Variants in TVP23C observed in about 807,000 individuals in gnomAD.
TVP23C encodes trans-golgi network vesicle protein 23 homolog C.
TVP23C carries 19 observed loss-of-function variants against 28.7 expected under a neutral mutation model. That is an observed-to-expected ratio of 0.66 (90% CI 0.46 to 0.97). TVP23C has a LOEUF of 0.97. Among genes scored for constraint, TVP23C ranks in the 50% least tolerant of loss-of-function variants. The pLI, the probability that TVP23C is intolerant of heterozygous loss-of-function variation, is 0.00. For synonymous variants in TVP23C, 68 were observed against 81.7 expected, an observed-to-expected ratio of 0.83 and a Z score of 0.90; for missense variants, 186 against 241.3, an observed-to-expected ratio of 0.77 and a Z score of 1.52.
intron 3 of TVP23C, among the ~76,000 whole-genome samples, chr17:15,553,260 T>C (rs1983974014): frequency 6.7e-6 from 1 of 149,626 alleles, no homozygotes; most frequent in Admixed American, 6.7e-5. Context: ...ATAGGAGCCT[T>C]TTCAAAAGGT....
downstream of TVP23C, among the ~76,000 whole-genome samples, chr17:15,535,919 C>T (rs935988646): frequency 1.6e-4 from 25 of 152,174 alleles, no homozygotes; most frequent in Non-Finnish European, 2.6e-4. Context: ...TCGCCAGATA[C>T]GATGGCTCAC....
intron 3 of TVP23C, among the ~76,000 whole-genome samples, chr17:15,552,153 T>G (rs1983921209): frequency 6.6e-6 from 1 of 152,230 alleles, no homozygotes; most frequent in African/African-American, 2.4e-5. Flanking sequence ...ATGTTCTATT[T>G]GGCTAAACAG....
At chr17:15,517,108 A>G (rs1380566375) in intron 5 of TVP23C, among the ~76,000 whole-genome samples, 1 of 152,230 alleles carries the variant, frequency 6.6e-6, no homozygotes, top group Non-Finnish European at 1.5e-5. Flanking sequence ...GATTCCTGGC[A>G]GGATAATGCA....
At chr17:15,553,920 C>T in intron 2 of TVP23C, 91 bp from the exon 3 acceptor site, 1 of 1,582,664 alleles carries the variant, frequency 6.3e-7, no homozygotes, top group Non-Finnish European at 8.6e-7. Context: ...CATCGTGTAA[C>T]TGTGAAGAGT....
At chr17:15,515,299 C>T (rs964320459) in intron 5 of TVP23C, among the ~76,000 whole-genome samples, 2 of 152,162 alleles carry the variant, frequency 1.3e-5, no homozygotes, top group African/African-American at 4.8e-5. Flanking sequence ...CTGATGCTCC[C>T]CCAACTCAAC....
chr17:15,519,035 T>C (rs2323736), intron 5 of TVP23C, among the ~76,000 whole-genome samples: 115,841 of 151,966 alleles, frequency 0.76, 44,952 homozygotes, highest in Middle Eastern at 0.89. Context: ...TCATGTTAAA[T>C]GTGCCTTGCT....
chr17:15,524,115 C>T (rs983808490), intron 5 of TVP23C, among the ~76,000 whole-genome samples: 1 of 144,136 alleles, frequency 6.9e-6, no homozygotes, highest in African/African-American at 2.6e-5. Context: ...TGTGTTACTC[C>T]CGTCTTTACA....
At chr17:15,556,456 G>A (rs1376111221) in intron 1 of TVP23C, among the ~76,000 whole-genome samples, 2 of 150,632 alleles carry the variant, frequency 1.3e-5, no homozygotes, top group Non-Finnish European at 3.0e-5. Flanking sequence ...CTGCCTCCTG[G>A]GTTCAAGTGA....
downstream of TVP23C, among the ~76,000 whole-genome samples, chr17:15,534,304 A>T (rs1427945171): frequency 6.6e-6 from 1 of 152,144 alleles, no homozygotes; most frequent in African/African-American, 2.4e-5. Flanking sequence ...CATGGCCTCA[A>T]ATTAATTAAG....
At chr17:15,502,787 C>G in exon 6 of TVP23C, 1 of 1,465,654 alleles carries the variant, frequency 6.8e-7, no homozygotes, top group East Asian at 2.4e-5. Context: ...TCTTCCCTCC[C>G]TCTCTCCTCT....
Position 15,539,560 on chromosome 17 carries a change from G to A in TVP23C, c.*852C>T, listed in dbSNP as rs146749095. On this transcript the variant is annotated 3_prime_UTR_variant, in exon 6 of 6. Transcript: ENST00000518321. ...GGAGCTTGCAGTAAGCCGAGATCACGCCACTGCACTCCAGCCTGGGCGACA... is the reference window on the plus strand; with the variant it reads ...GGAGCTTGCAGTAAGCCGAGATCACACCACTGCACTCCAGCCTGGGCGACA... 5.3e-3 allele frequency: 4,361 copies of A among 821,012 alleles called. 159 individuals carry two copies. The African/African-American group carries it at 0.075, about 14-fold the overall frequency. 50.9% of individuals were successfully genotyped at this position (821,012 alleles called of 1,614,324 possible). A position where few individuals can be genotyped will look rare whatever the true frequency, so the allele number is the denominator to read the frequency against.
chr17:15,548,249 C>G (rs562050019), intron 3 of TVP23C, among the ~76,000 whole-genome samples: 1 of 152,214 alleles, frequency 6.6e-6, no homozygotes, highest in Non-Finnish European at 1.5e-5. Context: ...TCACCACAAC[C>G]TCTGCCTCCC....
chr17:15,505,530 G>A (rs73289536), intron 5 of TVP23C, among the ~76,000 whole-genome samples: 8,177 of 152,216 alleles, frequency 0.054, 743 homozygotes, highest in African/African-American at 0.19. Context: ...AGGTGACAGC[G>A]TGCTGGCAGT....
At chr17:15,560,532 G>A (rs896852882) in intron 1 of TVP23C, among the ~76,000 whole-genome samples, 1 of 149,556 alleles carries the variant, frequency 6.7e-6, no homozygotes, top group African/African-American at 2.4e-5. Context: ...GGAGTGACCA[G>A]TGAAAGAGCA....
intron 5 of TVP23C, among the ~76,000 whole-genome samples, chr17:15,543,671 AT>A (rs1265359658): frequency 3.3e-5 from 5 of 150,604 alleles, no homozygotes; most frequent in Non-Finnish European, 4.5e-5. Flanking sequence ...ATTAACTAAC[AT>A]CCCCTACTGT....
At position 15,542,889 on chromosome 17, in the gene TVP23C, G is replaced by A. The variant is rs141552897; in HGVS notation, c.463-2328C>T. Among the ~76,000 whole-genome samples the A allele has an allele frequency of 7.0e-3, 1,066 of 152,254 alleles. 9 individuals carry two copies. Among genetic ancestry groups the A allele is most frequent in the African/African-American group, 0.024 (1,007 of 41,536 alleles). ...TATAAATAACTCCTACATGCTTAGCGTTCCAATAATGGAACACTAGGCATA... is the reference window on the plus strand; with the variant it reads ...TATAAATAACTCCTACATGCTTAGCATTCCAATAATGGAACACTAGGCATA... On this transcript the variant is annotated intron_variant, in intron 5 of 5. Coordinates refer to ENST00000518321, the MANE Select transcript of TVP23C (RefSeq NM_001135036.2).
chr17:15,525,317 G>GT (rs1196485417), intron 5 of TVP23C, among the ~76,000 whole-genome samples: 1 of 152,256 alleles, frequency 6.6e-6, no homozygotes, highest in African/African-American at 2.4e-5. Context: ...AGCTGGAAGC[G>GT]TGTGATGGTT....
rs558052570 is a variant in TVP23C at position 15,543,385 on chromosome 17, A to T, written c.462+2400T>A. ...AAAAAGGGAAGTGCATTTATGCAAA[A>T]CTATAGCGAAAAAAGAAAAAAGAAG... is the stretch of plus-strand genomic sequence containing the variant. On this transcript the variant is annotated intron_variant, in intron 5 of 5. Transcript: ENST00000518321. 1.2e-3 allele frequency among the ~76,000 whole-genome samples: 189 copies of T among 151,498 alleles called. 4 individuals carry two copies. The highest frequency in any genetic ancestry group is 4.0e-3 in the African/African-American group (163 of 41,198).
intron 5 of TVP23C, among the ~76,000 whole-genome samples, chr17:15,521,331 A>G (rs1197752363): frequency 1.3e-5 from 2 of 152,014 alleles, no homozygotes; most frequent in Non-Finnish European, 2.9e-5. Flanking sequence ...GCAAAACCCC[A>G]TCTCTACTAA....
Sources: allele counts gnomAD v4.1 joint callset (sites outside exome capture counted in the v4.1 genomes callset), GRCh38; gene constraint gnomAD v4.1.1; transcripts MANE v1.5; gene names NCBI Gene and HGNC (gene_info 2026-07-23, HGNC 2026-07-21).